The following NUBPL variants were observed in gnomAD, a reference collection of about 807,000 sequenced individuals.
NUBPL encodes NUBP iron-sulfur cluster assembly factor, mitochondrial, also known as iron-sulfur cluster transfer protein NUBPL.
NUBPL carries 31 observed loss-of-function variants against 45.7 expected under a neutral mutation model. The observed-to-expected ratio is 0.68, with a 90% confidence interval of 0.51 to 0.92. The LOEUF (loss-of-function observed/expected upper bound fraction) is 0.92. Among genes scored for constraint, NUBPL ranks in the 40% least tolerant of loss-of-function variants. The pLI is 0.00. For synonymous variants in NUBPL, 144 were observed against 140.9 expected, an observed-to-expected ratio of 1.02 and a Z score of -0.15; for missense variants, 401 against 398.7, an observed-to-expected ratio of 1.01 and a Z score of -0.05.
chr14:31,785,292 C>T (rs982169151), intron 6 of NUBPL, among the ~76,000 whole-genome samples: 1 of 152,110 alleles, frequency 6.6e-6, no homozygotes, highest in African/African-American at 2.4e-5. Flanking sequence ...GCAGGGGTTC[C>T]CAACCCTTAG....
chr14:31,646,166 G>A (rs1019689794), intron 4 of NUBPL, among the ~76,000 whole-genome samples: 2 of 151,764 alleles, frequency 1.3e-5, no homozygotes, highest in Non-Finnish European at 2.9e-5. Flanking sequence ...TGGATGGCAA[G>A]TCCCCTTCCC....
chr14:31,698,495 A>C (rs1204023121), intron 6 of NUBPL, among the ~76,000 whole-genome samples: 1 of 152,016 alleles, frequency 6.6e-6, no homozygotes, highest in Non-Finnish European at 1.5e-5. Flanking sequence ...TTGCCAGATG[A>C]TTCTTCCCAA....
chr14:31,686,568 TG>T (rs2139847466), intron 6 of NUBPL: 1 of 152,344 alleles, frequency 6.6e-6, no homozygotes, highest in South Asian at 2.1e-4. Context: ...TATCACACAC[TG>T]GGAGCAGGGT....
At chr14:31,734,476 A>G (rs945328289) in intron 6 of NUBPL, among the ~76,000 whole-genome samples, 7 of 152,218 alleles carry the variant, frequency 4.6e-5, no homozygotes, top group Non-Finnish European at 8.8e-5. Context: ...GAAAGCTTCA[A>G]AAACCAAATT....
chr14:31,685,155 A>G (rs749834262), intron 6 of NUBPL, among the ~76,000 whole-genome samples: 1 of 152,192 alleles, frequency 6.6e-6, no homozygotes, highest in East Asian at 1.9e-4. Flanking sequence ...TGACCCAGGC[A>G]TTATCACTTT....
At chr14:31,692,398 A>T (rs930016356) in intron 6 of NUBPL, among the ~76,000 whole-genome samples, 2 of 152,216 alleles carry the variant, frequency 1.3e-5, no homozygotes, top group Non-Finnish European at 2.9e-5. Context: ...AACTTTAGTT[A>T]TTAGAAAAAA....
At chr14:31,701,723 C>T (rs1304934695) in intron 6 of NUBPL, among the ~76,000 whole-genome samples, 5 of 152,132 alleles carry the variant, frequency 3.3e-5, no homozygotes, top group African/African-American at 2.4e-5. Flanking sequence ...AGCGAGACCA[C>T]GAACCCACCA....
At chr14:31,649,551 A>G (rs900787857) in intron 4 of NUBPL, among the ~76,000 whole-genome samples, 2 of 152,360 alleles carry the variant, frequency 1.3e-5, no homozygotes, top group Non-Finnish European at 2.9e-5. Context: ...GCACTTTTAG[A>G]GTTTTGAAAT....
intron 6 of NUBPL, among the ~76,000 whole-genome samples, chr14:31,678,227 GTCCA>G (rs2036747210): frequency 6.6e-6 from 1 of 152,136 alleles, no homozygotes; most frequent in Admixed American, 6.5e-5. Flanking sequence ...CCCAGAGCAG[GTCCA>G]GAAATGCCAT....
intron 7 of NUBPL, among the ~76,000 whole-genome samples, chr14:31,813,236 C>G (rs1764755546): frequency 6.6e-6 from 1 of 151,948 alleles, no homozygotes; most frequent in African/African-American, 2.4e-5. Context: ...ATCTGCCTTC[C>G]TCGGCCTCCC....
chr14:31,800,247 G>C (rs1282596527), intron 7 of NUBPL, among the ~76,000 whole-genome samples: 2 of 152,144 alleles, frequency 1.3e-5, no homozygotes, highest in Non-Finnish European at 2.9e-5. Context: ...GTGAGGGCTG[G>C]AATCAACTTC....
At chr14:31,774,014 A>T (rs1422626225) in intron 6 of NUBPL, among the ~76,000 whole-genome samples, 1 of 152,060 alleles carries the variant, frequency 6.6e-6, no homozygotes, top group Non-Finnish European at 1.5e-5. Context: ...ACCAATCTAG[A>T]TCTCTTTTAC....
At chr14:31,695,833 G>A (rs748688858) in intron 6 of NUBPL, among the ~76,000 whole-genome samples, 3 of 152,088 alleles carry the variant, frequency 2.0e-5, no homozygotes, top group Non-Finnish European at 4.4e-5. Context: ...CTAAAACACC[G>A]CCTGAGTCAT....
chr14:31,757,321 C>T (rs1402433675), intron 6 of NUBPL, among the ~76,000 whole-genome samples: 3 of 150,762 alleles, frequency 2.0e-5, no homozygotes, highest in African/African-American at 7.3e-5. Flanking sequence ...GCTGTGAATC[C>T]ATCTGGTCCT....
At position 31,754,996 on chromosome 14, in the gene NUBPL, A is replaced by G. The variant is rs886759897; in HGVS notation, c.514-32784A>G. On this transcript the variant is annotated intron_variant, in intron 6 of 10. Transcript: ENST00000281081. ...AGTTTACTGAAAATGATGATTTCCA[A>G]TTTCATCCATGTCCCTACAAAGGAC... Among the ~76,000 whole-genome samples the G allele has an allele frequency of 5.4e-4, 82 of 151,192 alleles. 1 individual carries two copies. The South Asian group carries it at 0.016, about 30-fold the overall frequency.
chr14:31,752,839 T>C lies in NUBPL; in HGVS notation c.514-34941T>C, dbSNP rs141380659. Among the ~76,000 whole-genome samples, 29 of 152,342 alleles carry C rather than the reference T, an allele frequency of 1.9e-4. 1 individual carries two copies. The East Asian group carries it at 5.4e-3, about 28-fold the overall frequency. ...AGAAAAAAGGTTTAATGAACTCACA[T>C]GTTCCACATGGCTGGGGAGGTCTCA... On this transcript the variant is annotated intron_variant, in intron 6 of 10. Transcript: ENST00000281081.
intron 4 of NUBPL, among the ~76,000 whole-genome samples, chr14:31,670,915 A>G (rs1160016108): frequency 6.6e-6 from 1 of 152,070 alleles, no homozygotes; most frequent in African/African-American, 2.4e-5. Flanking sequence ...TGATTCCTCC[A>G]GCTTTGTTTT....
intron 8 of NUBPL, among the ~76,000 whole-genome samples, chr14:31,840,474 G>A (rs1170231985): frequency 2.6e-5 from 4 of 151,796 alleles, no homozygotes; most frequent in East Asian, 1.9e-4. Context: ...CTGGGGAGGC[G>A]GAGGTAGGAG....
chr14:31,811,871 C>T (rs2039812197), intron 7 of NUBPL, among the ~76,000 whole-genome samples: 1 of 152,190 alleles, frequency 6.6e-6, no homozygotes, highest in Non-Finnish European at 1.5e-5. Flanking sequence ...TTCTACCAGT[C>T]AGGTCCCTCA....
Sources: gnomAD v4.1 joint callset for allele counts (sites outside exome capture counted in the v4.1 genomes callset) on GRCh38, gnomAD v4.1.1 for gene constraint, MANE v1.5 for transcripts, NCBI Gene and HGNC (gene_info 2026-07-23, HGNC 2026-07-21) for gene names.